ADAMTSL1: variants seen among roughly 807,000 people sequenced by gnomAD.
The protein encoded by ADAMTSL1 is ADAMTS like 1.
ADAMTSL1 carries 126 observed loss-of-function variants against 201.8 expected under a neutral mutation model. The ratio of observed to expected loss-of-function variants is 0.62; its 90% CI spans 0.54 to 0.72. ADAMTSL1 has a LOEUF of 0.72. Ranked by LOEUF, ADAMTSL1 falls within the 30% of genes least tolerant of loss-of-function variation. The pLI is 0.00. For synonymous variants in ADAMTSL1, 1,121 were observed against 903.4 expected (o/e 1.24, Z -4.32); for missense variants, 2,679 against 2,277.8 (o/e 1.18, Z -3.59).
intron 26 of ADAMTSL1, among the ~76,000 whole-genome samples, chr9:18,894,343 G>GTTTTTTTTT (rs1829479000): frequency 2.6e-5 from 1 of 38,658 alleles, no homozygotes; most frequent in African/African-American, 1.8e-4. Flanking sequence ...GCAAAACCTT[G>GTTTTTTTTT]TCTTTTTTTT....
chr9:18,275,181 C>G (rs1470259845), intron 2 of ADAMTSL1, among the ~76,000 whole-genome samples: 1 of 152,012 alleles, frequency 6.6e-6, no homozygotes, highest in Non-Finnish European at 1.5e-5. Flanking sequence ...TTCAAAAGAC[C>G]TCTTAGTCAT....
intron 1 of ADAMTSL1, among the ~76,000 whole-genome samples, chr9:18,054,533 T>A (rs1165456680): frequency 6.6e-6 from 1 of 152,210 alleles, no homozygotes; most frequent in Non-Finnish European, 1.5e-5. Context: ...TTTATTTAAG[T>A]CTTTCTTACA....
chr9:18,404,802 A>T (rs1818120966), intron 2 of ADAMTSL1, among the ~76,000 whole-genome samples: 1 of 152,170 alleles, frequency 6.6e-6, no homozygotes, highest in South Asian at 2.1e-4. Context: ...AGCTGCACAA[A>T]CTAGGTGTTT....
At chr9:18,274,232 T>G (rs77590732) in intron 2 of ADAMTSL1, among the ~76,000 whole-genome samples, 38 of 152,286 alleles carry the variant, frequency 2.5e-4, no homozygotes, top group Admixed American at 1.7e-3. Flanking sequence ...CATGGTTTAT[T>G]TGATGCATTC....
chr9:18,584,447 C>T (rs1406430554), intron 4 of ADAMTSL1, among the ~76,000 whole-genome samples: 1 of 152,046 alleles, frequency 6.6e-6, no homozygotes, highest in African/African-American at 2.4e-5. Context: ...ATGTCTTTAT[C>T]AGCAGCATGG....
chr9:18,598,606 G>A (rs1587675065), intron 4 of ADAMTSL1, among the ~76,000 whole-genome samples: 2 of 151,780 alleles, frequency 1.3e-5, no homozygotes, highest in South Asian at 4.2e-4. Flanking sequence ...AAAAGTAGTT[G>A]TATTATTTAA....
At chr9:18,677,675 T>C (rs989872086) in intron 10 of ADAMTSL1, among the ~76,000 whole-genome samples, 1 of 152,062 alleles carries the variant, frequency 6.6e-6, no homozygotes, top group Admixed American at 6.5e-5. Flanking sequence ...TGATTTCTTA[T>C]AGGTTGGGAT....
chr9:18,033,826 C>T (rs762938791), intron 1 of ADAMTSL1, among the ~76,000 whole-genome samples: 13 of 152,234 alleles, frequency 8.5e-5, no homozygotes, highest in South Asian at 4.1e-4. Flanking sequence ...AGACCCCTCT[C>T]TTATACATGT....
chr9:18,005,651 C>G (rs1449844939), intron 1 of ADAMTSL1, among the ~76,000 whole-genome samples: 1 of 152,030 alleles, frequency 6.6e-6, no homozygotes, highest in African/African-American at 2.4e-5. Flanking sequence ...TAGGTAGTAA[C>G]AGATCTTTGC....
At chr9:18,890,710 T>A in intron 25 of ADAMTSL1, 1 of 383,268 alleles carries the variant, frequency 2.6e-6, no homozygotes, top group South Asian at 1.9e-5. Context: ...CCTGGCCCGC[T>A]CCTTTCTCAA....
rs1821069007 is a variant in ADAMTSL1 at position 18,033,610 on chromosome 9, A to G, written c.87+126688A>G. On this transcript the variant is annotated intron_variant, in intron 1 of 29. Transcript: ENST00000680146. The stretch of plus-strand genomic sequence containing the variant: ...TAGAAATATGACTTTGATGGTAACC[A>G]TCCTTTGATACAGAAATGGAAACAA... Among the ~76,000 whole-genome samples, 7 of 152,312 alleles carry G rather than the reference A, an allele frequency of 4.6e-5. No homozygotes were observed. In the South Asian group the frequency reaches 1.4e-3, roughly 32 times the overall value.
intron 1 of ADAMTSL1, among the ~76,000 whole-genome samples, chr9:17,912,982 G>A (rs1825948423): frequency 6.6e-6 from 1 of 152,128 alleles, no homozygotes; most frequent in African/African-American, 2.4e-5. Flanking sequence ...GTTTGTCAAA[G>A]TTCAGATAGT....
chr9:17,977,120 T>C (rs1230287115), intron 1 of ADAMTSL1, among the ~76,000 whole-genome samples: 1 of 152,156 alleles, frequency 6.6e-6, no homozygotes, highest in African/African-American at 2.4e-5. Context: ...ATGGGGTGTA[T>C]CACATTTATT....
At chr9:18,517,906 G>A (rs143558203) in intron 2 of ADAMTSL1, among the ~76,000 whole-genome samples, 31 of 152,228 alleles carry the variant, frequency 2.0e-4, no homozygotes, top group Non-Finnish European at 3.1e-4. Context: ...ATGTGAGGCC[G>A]AAAGTTCTTC....
At chr9:18,903,519 G>T (rs567593404) in intron 26 of ADAMTSL1, among the ~76,000 whole-genome samples, 1 of 152,258 alleles carries the variant, frequency 6.6e-6, no homozygotes, top group South Asian at 2.1e-4. Flanking sequence ...ATTTCTTCAC[G>T]TGTATACAGG....
At chr9:18,389,238 G>A (rs1340480354) in intron 2 of ADAMTSL1, among the ~76,000 whole-genome samples, 1 of 148,620 alleles carries the variant, frequency 6.7e-6, no homozygotes, top group Non-Finnish European at 1.5e-5. Context: ...CTTAATTCCT[G>A]AAATATAAGA....
intron 7 of ADAMTSL1, among the ~76,000 whole-genome samples, chr9:18,646,655 T>G (rs1302377657): frequency 6.6e-6 from 1 of 150,648 alleles, no homozygotes; most frequent in African/African-American, 2.4e-5. Context: ...AATCATGTGG[T>G]TTTTGTCTTT....
chr9:18,465,294 C>A (rs16936735), intron 2 of ADAMTSL1, among the ~76,000 whole-genome samples: 1 of 152,142 alleles, frequency 6.6e-6, no homozygotes, highest in African/African-American at 2.4e-5. Flanking sequence ...TTTGCTTAGT[C>A]CTGCCACCCT....
Position 18,439,065 on chromosome 9 carries a change from G to T in ADAMTSL1, c.208-65764G>T, listed in dbSNP as rs566343336. On this transcript the variant is annotated intron_variant, in intron 2 of 29. Coordinates refer to the ADAMTSL1 transcript ENST00000680146. ...ATTGGTTTCCTGCAAAATTCCTTTG[G>T]AGGCTTCCTGGACGTTGCATTCCGA... is the stretch of plus-strand genomic sequence containing the variant. 6.6e-5 allele frequency among the ~76,000 whole-genome samples: 10 copies of T among 151,476 alleles called. No homozygotes were observed. In the South Asian group the frequency reaches 1.7e-3, roughly 25 times the overall value.
Sources: gnomAD v4.1 joint callset for allele counts (sites outside exome capture counted in the v4.1 genomes callset) on GRCh38, gnomAD v4.1.1 for gene constraint, MANE v1.5 for transcripts, NCBI Gene and HGNC (gene_info 2026-07-23, HGNC 2026-07-21) for gene names.